ARHGAP32: variants seen among roughly 807,000 people sequenced by gnomAD.
ARHGAP32 encodes the protein Rho GTPase activating protein 32, also known as rho GTPase-activating protein 32.
A neutral mutation model predicts 186.5 loss-of-function variants in ARHGAP32; 51 were observed. The observed-to-expected ratio is 0.27, with a 90% confidence interval of 0.22 to 0.35. ARHGAP32 has a LOEUF of 0.35. Ranked by LOEUF, ARHGAP32 falls within the 10% of genes least tolerant of loss-of-function variation. The pLI is 1.00. For synonymous variants in ARHGAP32, 950 were observed against 964.3 expected (o/e 0.99, Z 0.27); for missense variants, 2,186 against 2,623.5 (o/e 0.83, Z 3.64).
chr11:128,981,699 G>T, intron 16 of ARHGAP32, 130 bp downstream of exon 16: 1 of 1,153,764 alleles, frequency 8.7e-7, no homozygotes, highest in Non-Finnish European at 1.2e-6. Flanking sequence ...CCAGTTGCCT[G>T]TTTTAGGGAG....
chr11:128,991,542 C>T (rs1241895088), intron 12 of ARHGAP32, among the ~76,000 whole-genome samples: 1 of 151,978 alleles, frequency 6.6e-6, no homozygotes, highest in East Asian at 1.9e-4. Flanking sequence ...TAAAAAAAAT[C>T]CTAGTTTTAA....
chr11:129,152,669 T>G (rs1451471595), intron 2 of ARHGAP32, among the ~76,000 whole-genome samples: 1 of 152,070 alleles, frequency 6.6e-6, no homozygotes, highest in Non-Finnish European at 1.5e-5. Context: ...AGAACTAGCA[T>G]TTGACAAAAT....
intron 2 of ARHGAP32, among the ~76,000 whole-genome samples, chr11:129,159,076 T>C (rs1246458593): frequency 6.6e-6 from 1 of 152,170 alleles, no homozygotes; most frequent in Non-Finnish European, 1.5e-5. Context: ...GGGAAATTTA[T>C]TGCATTAATG....
At chr11:129,144,683 C>T (rs1449263700) in intron 2 of ARHGAP32, among the ~76,000 whole-genome samples, 1 of 152,106 alleles carries the variant, frequency 6.6e-6, no homozygotes, top group Non-Finnish European at 1.5e-5. Context: ...AAATAAGCCC[C>T]AAGGGTAAAT....
At chr11:129,082,177 G>T (rs1334734748) in intron 6 of ARHGAP32, among the ~76,000 whole-genome samples, 1 of 151,978 alleles carries the variant, frequency 6.6e-6, no homozygotes, top group East Asian at 1.9e-4. Context: ...TGACCATACT[G>T]CCAAAAGCAA....
chr11:129,279,592 G>T (rs900833985), upstream of ARHGAP32, among the ~76,000 whole-genome samples: 1 of 145,842 alleles, frequency 6.9e-6, no homozygotes, highest in Non-Finnish European at 1.5e-5. Context: ...CCTCCGCTCC[G>T]CCTCCTCCTG....
At position 128,973,416 on chromosome 11, in the gene ARHGAP32, G is replaced by A. The variant is rs1591486645; in HGVS notation, c.3090C>T (p.Asp1030=). The A allele has an allele frequency of 1.9e-5, 30 of 1,613,534 alleles. No homozygotes were observed. The highest frequency in any genetic ancestry group is 2.5e-5 in the Non-Finnish European group (29 of 1,179,684). Residue 1030 remains aspartate, a synonymous_variant, in exon 22 of 23, where the codon GAC becomes GAT. Coordinates refer to ENST00000682385, the MANE Select transcript of ARHGAP32 (RefSeq NM_001378024.1). The stretch of plus-strand genomic sequence containing the variant: ...TGACAGGAACGGAATCCTGAGGGGG[G>A]TCATGGGTAACTGCTCCTAGTGGGA... ...GQTQTGAVTH[D]PPQDSVPVSS...
In ARHGAP32 at chr11:129,048,513, T is replaced by C. The variant is rs889243393; in HGVS notation, c.964-7504A>G. ...TTTCATTAAGCCAAACAGAGACCAC[T>C]AGTGATAAAAGAGAAGAACCAAAGG... On this transcript the variant is annotated intron_variant, in intron 10 of 22. Coordinates refer to ENST00000682385, the MANE Select transcript of ARHGAP32 (RefSeq NM_001378024.1). 3.3e-5 allele frequency among the ~76,000 whole-genome samples: 5 copies of C among 151,538 alleles called. No homozygotes were observed. The East Asian group carries it at 9.7e-4, about 29-fold the overall frequency.
At chr11:129,104,831 T>TC (rs1942005989) in intron 5 of ARHGAP32, among the ~76,000 whole-genome samples, 1 of 152,140 alleles carries the variant, frequency 6.6e-6, no homozygotes, top group Non-Finnish European at 1.5e-5. Flanking sequence ...GTAAAGGGTT[T>TC]AGAATAACCA....
chr11:129,017,447 CAAAA>C (rs71472084), intron 11 of ARHGAP32, among the ~76,000 whole-genome samples: 2 of 89,614 alleles, frequency 2.2e-5, no homozygotes. Flanking sequence ...GACCCGGTCT[CAAAA>C]AAAAAAAAAA....
At chr11:129,090,639 G>GA (rs1565417521) in intron 6 of ARHGAP32, among the ~76,000 whole-genome samples, 1 of 151,914 alleles carries the variant, frequency 6.6e-6, no homozygotes, top group Non-Finnish European at 1.5e-5. Context: ...AGCACAGGTA[G>GA]AAAAAAACGC....
chr11:129,124,652 C>T, intron 3 of ARHGAP32, 151 bp downstream of exon 3: 1 of 550,930 alleles, frequency 1.8e-6, no homozygotes, highest in Non-Finnish European at 3.1e-6. Context: ...TAGGCCTATT[C>T]CACTGACTGC....
At chr11:129,046,550 T>C (rs1939814777) in intron 10 of ARHGAP32, among the ~76,000 whole-genome samples, 1 of 152,182 alleles carries the variant, frequency 6.6e-6, no homozygotes, top group Non-Finnish European at 1.5e-5. Flanking sequence ...GGGAACAGAC[T>C]GTAATCTGGT....
intron 11 of ARHGAP32, among the ~76,000 whole-genome samples, chr11:129,032,786 G>C (rs1939169846): frequency 6.6e-6 from 1 of 152,166 alleles, no homozygotes; most frequent in Admixed American, 6.5e-5. Flanking sequence ...GACTTAAATA[G>C]GCATTAATCC....
At chr11:129,213,114 T>A (rs1217706144) in intron 1 of ARHGAP32, among the ~76,000 whole-genome samples, 1 of 152,196 alleles carries the variant, frequency 6.6e-6, no homozygotes, top group Admixed American at 6.5e-5. Context: ...ATAAGACATA[T>A]GCATTTCCAT....
rs1249110637 is a variant in ARHGAP32 at position 129,183,021 on chromosome 11, T to C, written c.116+9062A>G. On this transcript the variant is annotated intron_variant, in intron 1 of 22. Coordinates refer to ENST00000682385, the MANE Select transcript of ARHGAP32 (RefSeq NM_001378024.1). ...TTTGTAATTCATCCTTGGTATGAGGTAGGATTCCTATTTTCTTTACTTCCA... is the reference window on the plus strand; with the variant it reads ...TTTGTAATTCATCCTTGGTATGAGGCAGGATTCCTATTTTCTTTACTTCCA... Among the ~76,000 whole-genome samples, 6 of 152,150 alleles carry C rather than the reference T, an allele frequency of 3.9e-5. No homozygotes were observed. In the East Asian group the frequency reaches 9.6e-4, roughly 24 times the overall value.
intron 8 of ARHGAP32, 125 bp from the exon 9 acceptor site, chr11:129,064,149 ACT>A: frequency 4.5e-5 from 38 of 836,016 alleles, no homozygotes; most frequent in Non-Finnish European, 6.4e-5. Flanking sequence ...AAAAAAAAAA[ACT>A]ACCATTTACT....
At chr11:129,243,220 G>A (rs1945044634) in intron 1 of ARHGAP32, among the ~76,000 whole-genome samples, 1 of 152,084 alleles carries the variant, frequency 6.6e-6, no homozygotes, top group African/African-American at 2.4e-5. Flanking sequence ...AAGTCCCTCA[G>A]GTTTAAAACC....
intron 1 of ARHGAP32, among the ~76,000 whole-genome samples, chr11:129,241,684 C>T (rs1163975188): frequency 6.6e-6 from 1 of 152,136 alleles, no homozygotes; most frequent in African/African-American, 2.4e-5. Context: ...AGATACTCTA[C>T]TGGATTTAGT....
Sources: gnomAD v4.1 joint callset for allele counts (sites outside exome capture counted in the v4.1 genomes callset) on GRCh38, gnomAD v4.1.1 for gene constraint, MANE v1.5 for transcripts, NCBI Gene and HGNC (gene_info 2026-07-23, HGNC 2026-07-21) for gene names.